KHDRBS2: variants seen among roughly 807,000 people sequenced by gnomAD.
KHDRBS2 encodes KH domain-containing, RNA-binding, signal transduction-associated protein 2.
In KHDRBS2, 26 loss-of-function variants were observed where a neutral mutation model predicts 44.3. The observed-to-expected ratio is 0.59, with a 90% CI of 0.43 to 0.81. The LOEUF (loss-of-function observed/expected upper bound fraction) is 0.81. Among genes scored for constraint, KHDRBS2 ranks in the 40% least tolerant of loss-of-function variants. The probability of loss-of-function intolerance (pLI) is 0.00; values close to 1 mark genes in which losing one functional copy is unlikely to be tolerated. For missense variants in KHDRBS2, 476 were observed against 433.1 expected (o/e 1.10, Z -0.88); for synonymous variants, 194 against 151.1 (o/e 1.28, Z -2.08).
intron 1 of KHDRBS2, among the ~76,000 whole-genome samples, chr6:62,181,004 TG>T (rs1442818702): frequency 1.4e-5 from 2 of 142,370 alleles, no homozygotes; most frequent in Non-Finnish European, 3.0e-5. Context: ...ACAATAAAAT[TG>T]GACTCTTCTC....
chr6:61,598,416 G>C, the KHDRBS2 span, among the ~76,000 whole-genome samples: 1 of 152,094 alleles, frequency 6.6e-6, no homozygotes, highest in African/African-American at 2.4e-5. Context: ...AGCCAAATGA[G>C]GTACATCCCA....
chr6:62,107,346 A>G (rs1384515878), intron 2 of KHDRBS2, among the ~76,000 whole-genome samples: 6 of 152,246 alleles, frequency 3.9e-5, no homozygotes, highest in South Asian at 2.1e-4. Flanking sequence ...ATTCACAATT[A>G]CTTCAAAGAG....
chr6:61,606,381 A>T, the KHDRBS2 span, among the ~76,000 whole-genome samples: 2 of 152,160 alleles, frequency 1.3e-5, no homozygotes, highest in Non-Finnish European at 2.9e-5. Context: ...AGTGCCAAAA[A>T]TGAACGGGCC....
chr6:62,161,061 T>C (rs891936603), intron 2 of KHDRBS2, among the ~76,000 whole-genome samples: 1 of 152,090 alleles, frequency 6.6e-6, no homozygotes, highest in African/African-American at 2.4e-5. Context: ...CATATATAAG[T>C]GTAATCACAC....
chr6:61,877,886 A>C (rs1799663258), intron 6 of KHDRBS2, among the ~76,000 whole-genome samples: 1 of 151,826 alleles, frequency 6.6e-6, no homozygotes, highest in Non-Finnish European at 1.5e-5. Context: ...TTGTTTTTTC[A>C]TAAAAATTAT....
intron 2 of KHDRBS2, among the ~76,000 whole-genome samples, chr6:62,068,827 G>A (rs963690267): frequency 6.6e-6 from 1 of 151,514 alleles, no homozygotes; most frequent in African/African-American, 2.4e-5. Context: ...TTTATTTCTG[G>A]AATCTCAATT....
chr6:62,118,149 C>T (rs1188034379), intron 2 of KHDRBS2, among the ~76,000 whole-genome samples: 2 of 152,178 alleles, frequency 1.3e-5, no homozygotes, highest in Non-Finnish European at 2.9e-5. Context: ...TCCAGTTTTC[C>T]AAGTACCAAT....
chr6:62,213,589 A>G (rs1829457066), intron 1 of KHDRBS2, among the ~76,000 whole-genome samples: 1 of 152,136 alleles, frequency 6.6e-6, no homozygotes, highest in Non-Finnish European at 1.5e-5. Flanking sequence ...TATTTCAGAG[A>G]TGAATCAAGT....
the KHDRBS2 span, among the ~76,000 whole-genome samples, chr6:61,638,321 G>A: frequency 1.3e-5 from 2 of 151,916 alleles, no homozygotes; most frequent in Non-Finnish European, 2.9e-5. Flanking sequence ...ATAGATCAAT[G>A]GAACAGAACA....
At chr6:61,733,187 A>G (rs1318005489) in intron 6 of KHDRBS2, among the ~76,000 whole-genome samples, 1 of 152,172 alleles carries the variant, frequency 6.6e-6, no homozygotes, top group African/African-American at 2.4e-5. Context: ...TATAAACTAC[A>G]GGATCCTTAA....
chr6:61,708,019 G>A (rs1042678725), intron 7 of KHDRBS2, among the ~76,000 whole-genome samples: 37 of 151,562 alleles, frequency 2.4e-4, no homozygotes, highest in African/African-American at 8.2e-4. Flanking sequence ...GCCAGCATTT[G>A]GTGCACATAT....
At chr6:61,577,809 C>G in the KHDRBS2 span, among the ~76,000 whole-genome samples, 1 of 152,034 alleles carries the variant, frequency 6.6e-6, no homozygotes, top group Admixed American at 6.6e-5. Flanking sequence ...ATACTACAGT[C>G]ATTTTGTTTT....
At chr6:61,966,832 T>C (rs1409448706) in intron 4 of KHDRBS2, among the ~76,000 whole-genome samples, 2 of 151,992 alleles carry the variant, frequency 1.3e-5, no homozygotes, top group East Asian at 3.9e-4. Context: ...TTTTTCTGCC[T>C]CTCCCTATCA....
In KHDRBS2 at chr6:62,202,497, CAG is replaced by C. The variant is rs145165346; in HGVS notation, c.92-25187_92-25186del. ...GCTGTATAATACAGAAAGAGAAAAA[CAG>C]AGAGAGAGATTTTTTTTTTCTCCCT... On this transcript the variant is annotated intron_variant, in intron 1 of 8. Transcript: ENST00000281156. Among the ~76,000 whole-genome samples, 18 of 151,792 alleles carry C rather than the reference CAG, an allele frequency of 1.2e-4. No homozygotes were observed. The South Asian group carries it at 3.3e-3, about 28-fold the overall frequency.
intron 1 of KHDRBS2, among the ~76,000 whole-genome samples, chr6:62,206,170 TC>T (rs1827932672): frequency 1.3e-5 from 2 of 152,038 alleles, no homozygotes; most frequent in African/African-American, 4.8e-5. Flanking sequence ...CAACAGAATA[TC>T]CATTTAATTT....
intron 2 of KHDRBS2, among the ~76,000 whole-genome samples, chr6:62,068,641 G>A (rs1224800923): frequency 6.6e-6 from 1 of 151,504 alleles, no homozygotes; most frequent in Admixed American, 6.6e-5. Context: ...CATATATTAA[G>A]ATCTATGATC....
At chr6:62,082,017 G>T (rs920748319) in intron 2 of KHDRBS2, among the ~76,000 whole-genome samples, 2 of 151,964 alleles carry the variant, frequency 1.3e-5, no homozygotes. Context: ...ACACAATAGG[G>T]TATTGATCTC....
At chr6:61,893,014 G>A (rs917247658) in intron 6 of KHDRBS2, among the ~76,000 whole-genome samples, 77 of 152,172 alleles carry the variant, frequency 5.1e-4, no homozygotes, top group African/African-American at 1.7e-3. Context: ...CTGACTAAGG[G>A]CTAATATCCA....
intron 1 of KHDRBS2, among the ~76,000 whole-genome samples, chr6:62,249,196 T>C (rs1245994535): frequency 6.6e-6 from 1 of 152,106 alleles, no homozygotes; most frequent in Admixed American, 6.6e-5. Context: ...TGCTCCACTA[T>C]TGCTTAAATG....
Sources: gnomAD v4.1 joint callset for allele counts (sites outside exome capture counted in the v4.1 genomes callset) on GRCh38, gnomAD v4.1.1 for gene constraint, MANE v1.5 for transcripts, NCBI Gene and HGNC (gene_info 2026-07-23, HGNC 2026-07-21) for gene names.